EYS: variants seen among roughly 807,000 people sequenced by gnomAD.
EYS encodes protein eyes shut homolog.
EYS carries 250 observed loss-of-function variants against 282.1 expected under a neutral mutation model. That is an observed-to-expected ratio of 0.89 (90% CI 0.80 to 0.98). EYS has a LOEUF of 0.98. EYS is among the 50% of genes least tolerant of loss of function. EYS has a pLI of 0.00. For missense variants in EYS, 4,016 were observed against 3,709.0 expected, an observed-to-expected ratio of 1.08 and a Z score of -2.15; for synonymous variants, 1,355 against 1,282.9, an observed-to-expected ratio of 1.06 and a Z score of -1.20.
intron 36 of EYS, among the ~76,000 whole-genome samples, chr6:63,817,438 G>C (rs1402746239): frequency 2.0e-5 from 3 of 152,204 alleles, no homozygotes; most frequent in South Asian, 4.1e-4. Context: ...TCAGGACATG[G>C]GACCACGGGT....
At chr6:65,179,251 C>T (rs556491360) in intron 12 of EYS, among the ~76,000 whole-genome samples, 11 of 151,708 alleles carry the variant, frequency 7.3e-5, no homozygotes, top group Non-Finnish European at 1.0e-4. Context: ...AAAAAAAACC[C>T]TTAAAAAAAT....
intron 1 of EYS, among the ~76,000 whole-genome samples, chr6:65,706,277 A>G (rs35850805): frequency 4.5e-4 from 69 of 151,964 alleles, no homozygotes; most frequent in African/African-American, 1.6e-3. Flanking sequence ...TTAACCTTTA[A>G]GGTAAGCAAT....
chr6:64,994,673 G>A (rs1347401023), intron 14 of EYS, among the ~76,000 whole-genome samples: 1 of 151,914 alleles, frequency 6.6e-6, no homozygotes, highest in East Asian at 1.9e-4. Flanking sequence ...GTTAGTAAAA[G>A]CAAGTAAATA....
chr6:64,264,801 G>T (rs907201591), intron 30 of EYS, among the ~76,000 whole-genome samples: 4 of 152,050 alleles, frequency 2.6e-5, no homozygotes, highest in Non-Finnish European at 5.9e-5. Context: ...CTATTCAAGA[G>T]GCTGAGGCAG....
At chr6:64,961,068 G>T (rs1337908822) in intron 14 of EYS, among the ~76,000 whole-genome samples, 1 of 152,122 alleles carries the variant, frequency 6.6e-6, no homozygotes, top group Admixed American at 6.6e-5. Context: ...GGTCATTTAG[G>T]TTGATTCCTT....
intron 12 of EYS, among the ~76,000 whole-genome samples, chr6:65,120,459 G>GAAAAAAAAAAAAAAAAAAAAAA (rs1775505079): frequency 3.6e-4 from 4 of 11,152 alleles, no homozygotes; most frequent in Non-Finnish European, 7.5e-4. Context: ...CTTTAAATAA[G>GAAAAAAAAAAAAAAAAAAAAAA]CAAAAAAAAA....
At chr6:64,609,559 TC>T (rs1484877131) in intron 24 of EYS, among the ~76,000 whole-genome samples, 2 of 151,114 alleles carry the variant, frequency 1.3e-5, no homozygotes, top group African/African-American at 4.8e-5. Context: ...GATTTTGGAA[TC>T]CAATCTGTTT....
chr6:64,773,288 A>G (rs1176311506), intron 22 of EYS, among the ~76,000 whole-genome samples: 2 of 151,790 alleles, frequency 1.3e-5, no homozygotes, highest in African/African-American at 4.8e-5. Flanking sequence ...AGCTCCATCC[A>G]TGTTGCTGCA....
chr6:64,719,519 A>G (rs1484835882), intron 22 of EYS, among the ~76,000 whole-genome samples: 1 of 152,222 alleles, frequency 6.6e-6, no homozygotes, highest in Admixed American at 6.5e-5. Flanking sequence ...GCAGCATGAA[A>G]GGAACAAAAG....
At chr6:65,500,519 G>A (rs1766412468) in intron 2 of EYS, among the ~76,000 whole-genome samples, 1 of 151,838 alleles carries the variant, frequency 6.6e-6, no homozygotes, top group Non-Finnish European at 1.5e-5. Flanking sequence ...GATTATGGGA[G>A]AGAAAAATCA....
At chr6:65,013,889 G>C (rs781162836) in intron 13 of EYS, among the ~76,000 whole-genome samples, 62 of 152,236 alleles carry the variant, frequency 4.1e-4, no homozygotes, top group Non-Finnish European at 7.5e-4. Context: ...ATGTGGGTAA[G>C]ATATGTGAAT....
chr6:64,888,629 T>C (rs1278377855), intron 18 of EYS, among the ~76,000 whole-genome samples: 1 of 152,004 alleles, frequency 6.6e-6, no homozygotes, highest in Non-Finnish European at 1.5e-5. Context: ...ATCACCTTTT[T>C]GGAGTAACAC....
chr6:64,291,581 A>T (rs978644387), intron 30 of EYS, among the ~76,000 whole-genome samples: 23 of 152,214 alleles, frequency 1.5e-4, no homozygotes, highest in Non-Finnish European at 2.2e-4. Flanking sequence ...AAACTTTTAC[A>T]GTGCAGGGAA....
chr6:65,080,724 A>T (rs1416610216), intron 12 of EYS, among the ~76,000 whole-genome samples: 2 of 152,154 alleles, frequency 1.3e-5, no homozygotes, highest in African/African-American at 4.8e-5. Flanking sequence ...TTAATTTAAA[A>T]AAAAAGAAAT....
At chr6:64,760,356 A>G (rs1773117363) in intron 22 of EYS, among the ~76,000 whole-genome samples, 1 of 152,090 alleles carries the variant, frequency 6.6e-6, no homozygotes, top group African/African-American at 2.4e-5. Context: ...TAGCTCTATA[A>G]GTTCTGTGTC....
intron 2 of EYS, among the ~76,000 whole-genome samples, chr6:65,631,668 T>C (rs1766917108): frequency 6.6e-6 from 1 of 152,194 alleles, no homozygotes; most frequent in Admixed American, 6.5e-5. Flanking sequence ...GTTCATAATC[T>C]GCAAGTCTTC....
intron 26 of EYS, among the ~76,000 whole-genome samples, chr6:64,553,049 G>GATTGCA (rs1211054905): frequency 6.6e-6 from 1 of 151,080 alleles, no homozygotes; most frequent in Non-Finnish European, 1.5e-5. Context: ...CATCTTGCAT[G>GATTGCA]TATTGATTGA....
At chr6:64,032,525 A>C (rs145078419) in intron 33 of EYS, among the ~76,000 whole-genome samples, 1 of 152,172 alleles carries the variant, frequency 6.6e-6, no homozygotes, top group Non-Finnish European at 1.5e-5. Flanking sequence ...CAGTTCTGAC[A>C]CTATCTGGAG....
chr6:65,237,592 T>C (rs1018789717), intron 12 of EYS, among the ~76,000 whole-genome samples: 29 of 150,920 alleles, frequency 1.9e-4, no homozygotes, highest in African/African-American at 6.9e-4. Context: ...CAATCAAGGA[T>C]TGTGGTAGTG....
Sources: gnomAD v4.1 joint callset for allele counts (sites outside exome capture counted in the v4.1 genomes callset) on GRCh38, gnomAD v4.1.1 for gene constraint, MANE v1.5 for transcripts, NCBI Gene and HGNC (gene_info 2026-07-23, HGNC 2026-07-21) for gene names.